COL4A1: variants seen among roughly 807,000 people sequenced by gnomAD.
COL4A1 encodes the protein collagen type IV alpha 1 chain.
COL4A1 carries 40 observed loss-of-function variants against 216.6 expected under a neutral mutation model. That is an observed-to-expected ratio of 0.18 (90% CI 0.14 to 0.24). The LOEUF is 0.24. Ranked by LOEUF, COL4A1 falls within the 10% of genes least tolerant of loss-of-function variation. COL4A1 has a pLI of 1.00. For missense variants in COL4A1, 1,628 were observed against 2,196.8 expected, an observed-to-expected ratio of 0.74 and a Z score of 5.18; for synonymous variants, 839 against 810.7, an observed-to-expected ratio of 1.03 and a Z score of -0.59.
rs1884756895 is a variant in COL4A1, at chr13:110,306,962, G to A, written c.66C>T (p.His22=). Residue 22 remains histidine, a synonymous_variant, in exon 1 of 52, where the codon CAC becomes CAT. Coordinates refer to ENST00000375820, the MANE Select transcript of COL4A1 (RefSeq NM_001845.6). ...LPAALLLHEE[H]SRAAAKGGCA... The stretch of plus-strand genomic sequence containing the variant: ...AACTCACCTTCGCAGCGGCCCGGCT[G>A]TGCTCCTCGTGGAGCAGAAGGGCGG... 5 of 1,475,978 alleles carry A rather than the reference G, an allele frequency of 3.4e-6. No homozygotes were observed. In the East Asian group the frequency reaches 1.5e-4, roughly 43 times the overall value. The allele number at this position is 1,475,978 out of a possible 1,614,324, so 91.4% of individuals were successfully genotyped here. A position where few individuals can be genotyped will look rare whatever the true frequency, so the allele number is the denominator to read the frequency against.
At chr13:110,238,232 C>A (rs1283196203) in intron 2 of COL4A1, among the ~76,000 whole-genome samples, 2 of 152,196 alleles carry the variant, frequency 1.3e-5, no homozygotes, top group African/African-American at 4.8e-5. Context: ...TATGAGATAT[C>A]CACACAGTTG....
intron 8 of COL4A1, among the ~76,000 whole-genome samples, chr13:110,210,616 C>A (rs183386829): frequency 4.6e-5 from 7 of 152,178 alleles, no homozygotes; most frequent in Admixed American, 3.3e-4. Context: ...TATAAAAGCA[C>A]GGCGTAATGG....
At chr13:110,244,858 T>G (rs1378446477) in intron 1 of COL4A1, among the ~76,000 whole-genome samples, 15 of 151,964 alleles carry the variant, frequency 9.9e-5, no homozygotes, top group Non-Finnish European at 7.4e-5. Flanking sequence ...TCAAGAAGGG[T>G]ACTAATTAAA....
rs146772507 is a variant in COL4A1, at chr13:110,280,456, T to C, written c.84+26488A>G. ...TCATGAATACATCACAAAGTCACCA[T>C]TATGCCATTGAAAACGAAAACAATT... On this transcript the variant is annotated intron_variant, in intron 1 of 51. Coordinates refer to ENST00000375820, the MANE Select transcript of COL4A1 (RefSeq NM_001845.6). Among the ~76,000 whole-genome samples the C allele has an allele frequency of 1.5e-3, 233 of 152,360 alleles. 2 individuals are homozygous for C. The highest frequency in any genetic ancestry group is 5.4e-3 in the African/African-American group (225 of 41,590).
rs983420998 is a variant in COL4A1 at position 110,161,278 on chromosome 13, G to A, written c.4554C>T (p.Asp1518=). The A allele has an allele frequency of 2.4e-5, 39 of 1,614,110 alleles. No individual in the cohort carries two copies. Among genetic ancestry groups the A allele is most frequent in the Non-Finnish European group, 3.2e-5 (38 of 1,180,052 alleles). ...NNVCNFASRN[D]YSYWLSTPEP... is the part of the protein sequence containing the mutation. ...CAGGGGTGGACAGCCAGTACGAGTA[G>A]TCATTTCGTGATGCAAAGTTGCACA... Residue 1518 remains aspartate, a synonymous_variant, in exon 49 of 52, where the codon GAC becomes GAT. Transcript: ENST00000375820.
At chr13:110,191,889 C>G (rs1375635549) in intron 24 of COL4A1, among the ~76,000 whole-genome samples, 1 of 152,172 alleles carries the variant, frequency 6.6e-6, no homozygotes, top group Non-Finnish European at 1.5e-5. Flanking sequence ...TCCTGTGACA[C>G]CATTTGTTTC....
rs35751015 is a variant in COL4A1 at position 110,198,078 on chromosome 13, G to GGTGTGTGTGTGTGT, written c.1285+375_1285+388dup. Among the ~76,000 whole-genome samples the GGTGTGTGTGTGTGT allele has an allele frequency of 1.9e-3, 275 of 141,930 alleles. 4 individuals are homozygous for GGTGTGTGTGTGTGT. The East Asian group carries it at 0.021, about 11-fold the overall frequency. The allele number at this position is 141,930 out of a possible 152,430, so 93.1% of individuals were successfully genotyped here. ...GTAATCCTGTCTTCCTTGTTTCTGGGGTGTGTGTGTGTGTGTGTGTGTGTG... is the reference window on the plus strand; with the variant it reads ...GTAATCCTGTCTTCCTTGTTTCTGGGGTGTGTGTGTGTGTGTGTGTGTGTGTGTGTGTGTGTGTG... On this transcript the variant is annotated intron_variant, in intron 21 of 51. Transcript: ENST00000375820.
At chr13:110,196,309 C>T (rs1479823133) in intron 21 of COL4A1, among the ~76,000 whole-genome samples, 1 of 152,220 alleles carries the variant, frequency 6.6e-6, no homozygotes, top group South Asian at 2.1e-4. Flanking sequence ...CTGGTCCTGC[C>T]TGGCTCCTCG....
chr13:110,162,528 T>A lies in COL4A1; in HGVS notation c.4250-86A>T. ...AAAATCATTTTCTCCAAAGAGTTTT[T>A]AATATTTTATATTTCCACAAAGTAT... On this transcript the variant is annotated intron_variant, in intron 47 of 51. Coordinates refer to ENST00000375820, the MANE Select transcript of COL4A1 (RefSeq NM_001845.6). The A allele has an allele frequency of 2.9e-6, 3 of 1,023,316 alleles. No individual in the cohort carries two copies. The Admixed American group carries it at 5.7e-5, about 19-fold the overall frequency. 63.4% of individuals were successfully genotyped at this position (1,023,316 alleles called of 1,614,324 possible).
intron 1 of COL4A1, among the ~76,000 whole-genome samples, chr13:110,302,257 T>G (rs1423533865): frequency 6.6e-6 from 1 of 151,786 alleles, no homozygotes; most frequent in Admixed American, 6.6e-5. Context: ...AATGGCAGAG[T>G]CGGGAAGGGT....
chr13:110,175,467 C>T (rs1877840430), intron 36 of COL4A1, 110 bp from the exon 37 acceptor site: 3 of 1,540,900 alleles, frequency 1.9e-6, no homozygotes, highest in East Asian at 2.4e-5. Context: ...ACGTGAATCC[C>T]CCACAACCAG....
intron 2 of COL4A1, among the ~76,000 whole-genome samples, chr13:110,233,156 T>A (rs998008248): frequency 3.3e-5 from 5 of 152,130 alleles, no homozygotes; most frequent in African/African-American, 7.2e-5. Context: ...GGCATATTTT[T>A]AAAAAAATTC....
chr13:110,230,201 G>A (rs925486987), intron 2 of COL4A1, among the ~76,000 whole-genome samples: 4 of 152,008 alleles, frequency 2.6e-5, no homozygotes, highest in Non-Finnish European at 4.4e-5. Flanking sequence ...GGGTGTGCAC[G>A]GTGTGTGTTC....
At chr13:110,212,329 C>A in intron 6 of COL4A1, 88 bp downstream of exon 6, 2 of 1,499,296 alleles carry the variant, frequency 1.3e-6, no homozygotes, top group South Asian at 2.3e-5. Context: ...AAATAAAACT[C>A]TATTAACAGA....
rs1400994588 is a variant in COL4A1 at position 110,205,355 on chromosome 13, G to T, written c.955C>A (p.Gln319Lys). The T allele has an allele frequency of 6.2e-7, 1 of 1,614,042 alleles. No homozygotes were observed. The highest frequency in any genetic ancestry group is 8.5e-7 in the Non-Finnish European group (1 of 1,180,002). ...YPGLIGRQGP[Q>K]GEKGEAGPPG... ...CTCACAATAGTGCCAGCGTTTACCT[G>T]CGGGCCCTGGCGGCCTATGAGTCCT... The change falls in exon 17 of 52, where the codon CAG (glutamine) becomes AAG (lysine). Residue 319 changes from glutamine to lysine, a missense_variant and splice_region_variant. Gln to Lys is a moderately conservative substitution (Grantham distance 53). Coordinates refer to ENST00000375820, the MANE Select transcript of COL4A1 (RefSeq NM_001845.6).
chr13:110,275,670 A>C (rs1404464714), intron 1 of COL4A1, among the ~76,000 whole-genome samples: 1 of 152,204 alleles, frequency 6.6e-6, no homozygotes, highest in East Asian at 1.9e-4. Flanking sequence ...CTAGGTGAAC[A>C]AACAAACAAC....
intron 2 of COL4A1, among the ~76,000 whole-genome samples, chr13:110,230,439 A>G (rs1192924801): frequency 6.6e-6 from 1 of 152,180 alleles, no homozygotes; most frequent in African/African-American, 2.4e-5. Flanking sequence ...ACAGGTGTAC[A>G]TGAGCCCTGA....
intron 1 of COL4A1, among the ~76,000 whole-genome samples, chr13:110,303,930 T>G (rs1179784214): frequency 6.6e-6 from 1 of 152,330 alleles, no homozygotes; most frequent in East Asian, 1.9e-4. Flanking sequence ...CCAGGGAAAC[T>G]GAGGTATAGA....
At chr13:110,155,095 C>T (rs1455296394) in intron 50 of COL4A1, among the ~76,000 whole-genome samples, 188 bp downstream of exon 50, 1 of 152,214 alleles carries the variant, frequency 6.6e-6, no homozygotes, top group Non-Finnish European at 1.5e-5. Flanking sequence ...GCTGGAGACC[C>T]CTGCTGTCAC....
Sources: allele counts gnomAD v4.1 joint callset (sites outside exome capture counted in the v4.1 genomes callset), GRCh38; gene constraint gnomAD v4.1.1; transcripts MANE v1.5; gene names NCBI Gene and HGNC (gene_info 2026-07-23, HGNC 2026-07-21).